Variants in NAV3 observed in about 807,000 individuals in gnomAD.
The protein encoded by NAV3 is pore membrane and/or filament interacting like protein 1.
Under a neutral mutation model 244.7 loss-of-function variants are expected in NAV3, and 87 were observed. The observed-to-expected ratio is 0.36, with a 90% CI of 0.30 to 0.42. The LOEUF (loss-of-function observed/expected upper bound fraction) is 0.42. Ranked by LOEUF, NAV3 falls within the 20% of genes least tolerant of loss-of-function variation. The pLI, the probability that NAV3 is intolerant of heterozygous loss-of-function variation, is 1.00. For missense variants in NAV3, 2,663 were observed against 2,893.3 expected, an observed-to-expected ratio of 0.92 and a Z score of 1.83; for synonymous variants, 1,126 against 1,042.2, an observed-to-expected ratio of 1.08 and a Z score of -1.55.
chr12:77,661,683 CT>C (rs1484925067), intron 2 of NAV3, among the ~76,000 whole-genome samples: 1 of 151,980 alleles, frequency 6.6e-6, no homozygotes, highest in South Asian at 2.1e-4. Context: ...TAGCTTTTAC[CT>C]TTAGAAATAT....
Position 78,144,933 on chromosome 12 carries a change from AAAAAAAAAAAAAAAG to A in NAV3, c.4684-1432_4684-1418del, listed in dbSNP as rs1342153387. ...GTCTCAAAAAAAAAAAAAAAAAAAA[AAAAAAAAAAAAAAAG>A]AAAGAAAGAAAGAAAAACAACAACA... On this transcript the variant is annotated intron_variant, in intron 20 of 39. Transcript: ENST00000397909. 2.2e-3 allele frequency: 327 copies of A among 151,054 alleles called. 3 individuals are homozygous for A. In the Middle Eastern group the frequency reaches 0.023, roughly 10 times the overall value. The allele number at this position is 151,054 out of a possible 1,614,324, so 9.4% of individuals were successfully genotyped here.
intron 2 of NAV3, among the ~76,000 whole-genome samples, chr12:77,789,746 G>A (rs868248081): frequency 1.3e-5 from 2 of 148,504 alleles, no homozygotes; most frequent in Non-Finnish European, 3.0e-5. Context: ...GGAGGCGGAC[G>A]TTGCAGTGAG....
intron 2 of NAV3, among the ~76,000 whole-genome samples, chr12:77,818,338 G>A (rs1004405543): frequency 2.0e-5 from 3 of 152,086 alleles, no homozygotes; most frequent in Non-Finnish European, 4.4e-5. Context: ...CATGCATTAA[G>A]TCATGATTTT....
intron 2 of NAV3, among the ~76,000 whole-genome samples, chr12:77,742,445 A>G (rs984937790): frequency 1.2e-4 from 18 of 152,096 alleles, no homozygotes; most frequent in Non-Finnish European, 2.2e-4. Context: ...TACATTGGAA[A>G]TTTTTTGGAG....
intron 14 of NAV3, among the ~76,000 whole-genome samples, 158 bp from the exon 15 acceptor site, chr12:78,119,079 C>T (rs977240357): frequency 1.3e-5 from 2 of 152,154 alleles, no homozygotes; most frequent in African/African-American, 2.4e-5. Flanking sequence ...TGTAGCTATG[C>T]ACTCAGTCCT....
intron 2 of NAV3, among the ~76,000 whole-genome samples, chr12:77,609,678 A>T (rs1565735532): frequency 6.6e-6 from 1 of 152,008 alleles, no homozygotes; most frequent in Non-Finnish European, 1.5e-5. Context: ...GGTCTGCAGA[A>T]CACACTTTGG....
At chr12:77,841,994 G>A (rs1875745302) in intron 1 of NAV3, among the ~76,000 whole-genome samples, 1 of 152,168 alleles carries the variant, frequency 6.6e-6, no homozygotes, top group African/African-American at 2.4e-5. Flanking sequence ...ACGGGAAATA[G>A]TTTGGTAAAC....
At chr12:77,755,094 C>T (rs754973037) in intron 2 of NAV3, among the ~76,000 whole-genome samples, 1 of 152,110 alleles carries the variant, frequency 6.6e-6, no homozygotes, top group Non-Finnish European at 1.5e-5. Flanking sequence ...TGATGAAGCT[C>T]AGCCTACAGG....
chr12:78,107,052 GA>G (rs1954837887), intron 12 of NAV3, among the ~76,000 whole-genome samples: 1 of 152,020 alleles, frequency 6.6e-6, no homozygotes, highest in African/African-American at 2.4e-5. Flanking sequence ...ATATCTAAAG[GA>G]AAAAATTTTC....
At chr12:77,822,869 T>C (rs1368599926) in intron 2 of NAV3, among the ~76,000 whole-genome samples, 1 of 152,168 alleles carries the variant, frequency 6.6e-6, no homozygotes, top group Non-Finnish European at 1.5e-5. Flanking sequence ...AAAGTGATAA[T>C]GCACAATACA....
At position 77,940,322 on chromosome 12, in the gene NAV3, T is replaced by A; in HGVS notation, c.247T>A (p.Tyr83Asn). Reference protein sequence around the residue: ...KAKEKEDSKIYTDWANHYLAK... With the variant: ...KAKEKEDSKINTDWANHYLAK... ...TTTCCTTCTCTCTGTTCAACAGATT[T>A]ACACTGACTGGGCCAACCACTACCT... Residue 83 changes from tyrosine to asparagine, a missense_variant, in exon 2 of 40, where the codon TAC (tyrosine) becomes AAC (asparagine). By Grantham distance (143) the Tyr-to-Asn change is moderately radical. Around this residue, in one of 6 missense-constraint regions of NAV3, gnomAD observed 1,521 missense variants for 1,497.0 expected, o/e 1.02. Coordinates refer to ENST00000397909, the MANE Select transcript of NAV3 (RefSeq NM_001024383.2). The A allele has an allele frequency of 6.2e-7, 1 of 1,613,072 alleles. No homozygotes were observed. Among genetic ancestry groups the A allele is most frequent in the Non-Finnish European group, 8.5e-7 (1 of 1,179,444 alleles).
At chr12:78,048,921 G>C (rs368757647) in intron 9 of NAV3, among the ~76,000 whole-genome samples, 1 of 152,226 alleles carries the variant, frequency 6.6e-6, no homozygotes, top group Admixed American at 6.5e-5. Context: ...CCCGCCCAGA[G>C]AGGAGGAATC....
upstream of NAV3, among the ~76,000 whole-genome samples, chr12:77,827,236 CAAAAAAAAA>C (rs10615824): frequency 2.9e-5 from 2 of 68,530 alleles, no homozygotes; most frequent in East Asian, 5.0e-4. Flanking sequence ...ACTCTGTCTC[CAAAAAAAAA>C]AAAAAAAAAA....
chr12:77,758,548 A>G (rs1869304478), intron 2 of NAV3, among the ~76,000 whole-genome samples: 1 of 152,210 alleles, frequency 6.6e-6, no homozygotes, highest in Non-Finnish European at 1.5e-5. Flanking sequence ...TCCTTAATAC[A>G]TAATTTTTGT....
At chr12:77,593,530 A>G (rs1870014454) in intron 2 of NAV3, among the ~76,000 whole-genome samples, 1 of 150,244 alleles carries the variant, frequency 6.7e-6, no homozygotes, top group Admixed American at 6.6e-5. Flanking sequence ...GCTCACTGCA[A>G]TCTCCACCTC....
At chr12:78,100,541 G>C (rs1015887574) in intron 12 of NAV3, among the ~76,000 whole-genome samples, 23 of 151,994 alleles carry the variant, frequency 1.5e-4, no homozygotes, top group African/African-American at 5.6e-4. Flanking sequence ...AAACTGAAGA[G>C]TGTCACAATA....
intron 2 of NAV3, among the ~76,000 whole-genome samples, chr12:77,659,207 T>C (rs1205776718): frequency 6.6e-6 from 1 of 151,174 alleles, no homozygotes; most frequent in Non-Finnish European, 1.5e-5. Context: ...CGCAACCTAC[T>C]CGTCTGACAA....
intron 2 of NAV3, among the ~76,000 whole-genome samples, chr12:77,661,921 TTGTC>T (rs1873468873): frequency 6.6e-6 from 1 of 152,082 alleles, no homozygotes; most frequent in African/African-American, 2.4e-5. Flanking sequence ...AAATTGCACA[TTGTC>T]TTTATAAAAA....
chr12:78,162,369 A>C (rs1264140534), intron 23 of NAV3, among the ~76,000 whole-genome samples: 1 of 152,064 alleles, frequency 6.6e-6, no homozygotes, highest in East Asian at 1.9e-4. Context: ...CTAATGACAA[A>C]ACAGTACAGA....
Sources: allele counts gnomAD v4.1 joint callset (sites outside exome capture counted in the v4.1 genomes callset), GRCh38; gene constraint gnomAD v4.1.1; regional missense constraint gnomAD v4.1.1; transcripts MANE v1.5; gene names NCBI Gene and HGNC (gene_info 2026-07-23, HGNC 2026-07-21).